Variants in ZNF385D observed in about 807,000 individuals in gnomAD.
ZNF385D encodes zinc finger protein 659.
A neutral mutation model predicts 35.8 loss-of-function variants in ZNF385D; 15 were observed. That is an observed-to-expected ratio of 0.42 (90% CI 0.28 to 0.64). ZNF385D has a LOEUF of 0.64. ZNF385D is among the 30% of genes least tolerant of loss of function. The pLI is 0.23. For missense variants in ZNF385D, 474 were observed against 494.6 expected, an observed-to-expected ratio of 0.96 and a Z score of 0.39; for synonymous variants, 212 against 186.8, an observed-to-expected ratio of 1.13 and a Z score of -1.10.
chr3:21,440,737 G>T (rs571402357), intron 4 of ZNF385D, among the ~76,000 whole-genome samples: 1 of 152,194 alleles, frequency 6.6e-6, no homozygotes, highest in East Asian at 1.9e-4. Flanking sequence ...CTATTCTAGA[G>T]TTAAAGTTTA....
chr3:21,858,637 A>G (rs933814563), intron 3 of ZNF385D, among the ~76,000 whole-genome samples: 1 of 152,094 alleles, frequency 6.6e-6, no homozygotes, highest in Non-Finnish European at 1.5e-5. Flanking sequence ...TTAATCTTGG[A>G]CTTCCCAGCA....
chr3:21,766,861 T>C (rs1278328323), intron 3 of ZNF385D, among the ~76,000 whole-genome samples: 1 of 152,026 alleles, frequency 6.6e-6, no homozygotes, highest in Admixed American at 6.6e-5. Flanking sequence ...GGTGAACCAG[T>C]GTACTGGAAA....
chr3:21,874,714 T>C lies in ZNF385D; in HGVS notation c.326-209686A>G, dbSNP rs559091502. 1.1e-3 allele frequency among the ~76,000 whole-genome samples: 165 copies of C among 152,254 alleles called. 1 individual carries two copies. Among genetic ancestry groups the C allele is most frequent in the African/African-American group, 3.8e-3 (159 of 41,578 alleles). The stretch of plus-strand genomic sequence containing the variant: ...CTTTTTCAAGATATTTTATGGCTAT[T>C]TGTGGTCCTTTGTGATTCTTTTGAA... On this transcript the variant is annotated intron_variant, in intron 3 of 5. Transcript: ENST00000494108.
chr3:21,671,844 T>A (rs746272094), intron 1 of ZNF385D, among the ~76,000 whole-genome samples: 13 of 152,156 alleles, frequency 8.5e-5, no homozygotes, highest in Non-Finnish European at 1.6e-4. Flanking sequence ...TCGCTGATTT[T>A]TATCCCCAGC....
intron 2 of ZNF385D, among the ~76,000 whole-genome samples, chr3:22,170,967 T>G (rs972214787): frequency 6.6e-6 from 1 of 152,184 alleles, no homozygotes; most frequent in South Asian, 2.1e-4. Context: ...TAAATTTACG[T>G]AGAGTATATT....
intron 2 of ZNF385D, among the ~76,000 whole-genome samples, chr3:22,217,967 T>C (rs947844884): frequency 4.6e-5 from 7 of 152,174 alleles, no homozygotes; most frequent in Admixed American, 1.3e-4. Context: ...CGTCCTTTTA[T>C]GGTTCTCTTT....
At chr3:21,928,170 G>T (rs73044526) in intron 3 of ZNF385D, among the ~76,000 whole-genome samples, 26,725 of 151,822 alleles carry the variant, frequency 0.18, 2,599 homozygotes, top group Non-Finnish European at 0.22. Context: ...ATCTTCACAT[G>T]ACTGCACTAC....
chr3:21,746,371 T>A (rs1301788144), intron 1 of ZNF385D, among the ~76,000 whole-genome samples: 1 of 152,236 alleles, frequency 6.6e-6, no homozygotes, highest in African/African-American at 2.4e-5. Context: ...GGCATGTTGA[T>A]CAAATTTGGA....
chr3:21,799,110 A>G lies in ZNF385D; in HGVS notation c.326-134082T>C, dbSNP rs145259486. 6.3e-3 allele frequency among the ~76,000 whole-genome samples: 958 copies of G among 152,264 alleles called. 7 individuals carry two copies. The highest frequency in any genetic ancestry group is 0.014 in the Middle Eastern group (4 of 294). On this transcript the variant is annotated intron_variant, in intron 3 of 5. Transcript: ENST00000494108. ...CTTAGCATGTTTTCAAGGTTCATCCACACTGTAGCATGTACTTGATTTTCA... is the reference window on the plus strand; with the variant it reads ...CTTAGCATGTTTTCAAGGTTCATCCGCACTGTAGCATGTACTTGATTTTCA...
chr3:22,029,737 G>A (rs1484990838), intron 3 of ZNF385D, among the ~76,000 whole-genome samples: 1 of 151,988 alleles, frequency 6.6e-6, no homozygotes, highest in Non-Finnish European at 1.5e-5. Flanking sequence ...ATTTGGGTTG[G>A]GGATTGGTGC....
intron 1 of ZNF385D, among the ~76,000 whole-genome samples, chr3:21,668,098 T>C (rs997025864): frequency 6.6e-5 from 10 of 152,212 alleles, no homozygotes; most frequent in Admixed American, 4.6e-4. Context: ...AGGGATGCTG[T>C]GGGTCTGATT....
At chr3:21,949,435 T>C (rs552031836) in intron 3 of ZNF385D, among the ~76,000 whole-genome samples, 2 of 152,208 alleles carry the variant, frequency 1.3e-5, no homozygotes, top group East Asian at 3.9e-4. Flanking sequence ...CAGTGGAGTG[T>C]AGGTGTATTT....
intron 4 of ZNF385D, among the ~76,000 whole-genome samples, chr3:21,504,866 G>A (rs991540595): frequency 6.6e-6 from 1 of 152,146 alleles, no homozygotes; most frequent in Non-Finnish European, 1.5e-5. Context: ...AAGAGATGTG[G>A]TTTATGTACT....
At chr3:22,213,674 G>T (rs1201443800) in intron 2 of ZNF385D, among the ~76,000 whole-genome samples, 1 of 151,944 alleles carries the variant, frequency 6.6e-6, no homozygotes, top group Non-Finnish European at 1.5e-5. Flanking sequence ...TTGGCATATT[G>T]TTCATTAAGT....
intron 3 of ZNF385D, among the ~76,000 whole-genome samples, chr3:22,103,475 A>G (rs1702047588): frequency 6.6e-6 from 1 of 152,152 alleles, no homozygotes; most frequent in Non-Finnish European, 1.5e-5. Context: ...TACAATTTTC[A>G]TAAACTTGTG....
In ZNF385D at chr3:21,921,147, C is replaced by T. The variant is rs567199792; in HGVS notation, c.325+247670G>A. On this transcript the variant is annotated intron_variant, in intron 3 of 5. Coordinates refer to the ZNF385D transcript ENST00000494108. ...CTGAGGCAGGAGAATGGTGTGAACCCGGGAGGCGGAGTTTGCAGTGAGCCG... is the reference window on the plus strand; with the variant it reads ...CTGAGGCAGGAGAATGGTGTGAACCTGGGAGGCGGAGTTTGCAGTGAGCCG... Among the ~76,000 whole-genome samples, 335 of 139,594 alleles carry T rather than the reference C, an allele frequency of 2.4e-3. 3 individuals carry two copies. Among genetic ancestry groups the T allele is most frequent in the African/African-American group, 8.4e-3 (314 of 37,580 alleles). 91.6% of individuals were successfully genotyped at this position (139,594 alleles called of 152,430 possible).
At chr3:21,918,086 GC>G (rs770160708) in intron 3 of ZNF385D, among the ~76,000 whole-genome samples, 4 of 152,306 alleles carry the variant, frequency 2.6e-5, no homozygotes, top group South Asian at 4.1e-4. Context: ...ATTCGAGAAT[GC>G]TTCTCAATGT....
chr3:21,703,812 C>T (rs528674254), intron 1 of ZNF385D, among the ~76,000 whole-genome samples: 1 of 152,246 alleles, frequency 6.6e-6, no homozygotes, highest in South Asian at 2.1e-4. Flanking sequence ...TGGGATTAAA[C>T]TGAGCCCAGG....
At chr3:21,455,282 A>G (rs562442379) in intron 4 of ZNF385D, among the ~76,000 whole-genome samples, 2 of 152,340 alleles carry the variant, frequency 1.3e-5, no homozygotes, top group East Asian at 1.9e-4. Context: ...CGCCAAGTCA[A>G]TCCTAAGCCA....
Sources: gnomAD v4.1 joint callset for allele counts (sites outside exome capture counted in the v4.1 genomes callset) on GRCh38, gnomAD v4.1.1 for gene constraint, MANE v1.5 for transcripts, NCBI Gene and HGNC (gene_info 2026-07-23, HGNC 2026-07-21) for gene names.